DDX60: variants seen among roughly 807,000 people sequenced by gnomAD.
The protein encoded by DDX60 is probable ATP-dependent RNA helicase DDX60.
In DDX60, 165 loss-of-function variants were observed where a neutral mutation model predicts 212.8. That is an observed-to-expected ratio of 0.78 (90% confidence interval 0.68 to 0.88). The LOEUF (loss-of-function observed/expected upper bound fraction) is 0.88. Among genes scored for constraint, DDX60 ranks in the 40% least tolerant of loss-of-function variants. The pLI is 0.00. For missense variants in DDX60, 1,905 were observed against 2,003.9 expected (o/e 0.95, Z 0.94); for synonymous variants, 703 against 685.3 (o/e 1.03, Z -0.40).
intron 33 of DDX60, among the ~76,000 whole-genome samples, chr4:168,234,680 T>A (rs2149495176): frequency 6.6e-6 from 1 of 152,218 alleles, no homozygotes; most frequent in African/African-American, 2.4e-5. Flanking sequence ...CCTCTTTTCT[T>A]CCTGCTTATT....
chr4:168,257,798 G>A (rs1238689662), intron 25 of DDX60, among the ~76,000 whole-genome samples: 1 of 152,186 alleles, frequency 6.6e-6, no homozygotes, highest in African/African-American at 2.4e-5. Flanking sequence ...AAGATGCACA[G>A]CTATGGCAAG....
intron 30 of DDX60, among the ~76,000 whole-genome samples, chr4:168,243,898 T>C (rs1198174328): frequency 6.6e-6 from 1 of 150,672 alleles, no homozygotes; most frequent in Non-Finnish European, 1.5e-5. Flanking sequence ...GTGTGGTACA[T>C]ATACACCATG....
chr4:168,292,763 A>G (rs1736166426), intron 7 of DDX60, among the ~76,000 whole-genome samples: 1 of 152,242 alleles, frequency 6.6e-6, no homozygotes, highest in Non-Finnish European at 1.5e-5. Flanking sequence ...AGGGCTATCA[A>G]CAAAGCAAGT....
upstream of DDX60, among the ~76,000 whole-genome samples, chr4:168,319,212 A>T (rs1284486337): frequency 2.6e-5 from 4 of 151,536 alleles, no homozygotes; most frequent in East Asian, 3.9e-4. Flanking sequence ...AAATGAAACT[A>T]AAAAAAACCT....
chr4:168,310,678 A>T (rs927580730), intron 3 of DDX60, among the ~76,000 whole-genome samples: 2 of 152,178 alleles, frequency 1.3e-5, no homozygotes, highest in African/African-American at 4.8e-5. Context: ...TGGAGGAGTA[A>T]AAAGTTAAAC....
chr4:168,246,715 A>G, intron 29 of DDX60, 97 bp from the exon 30 acceptor site: 1 of 1,258,086 alleles, frequency 7.9e-7, no homozygotes, highest in Non-Finnish European at 1.1e-6. Flanking sequence ...GAGCATGGAA[A>G]TTGTGCATAT....
intron 26 of DDX60, 138 bp from the exon 27 acceptor site, chr4:168,252,794 ATTATTTTATT>A (rs139092828): frequency 1.3e-5 from 7 of 529,328 alleles, no homozygotes; most frequent in East Asian, 6.7e-5. Flanking sequence ...GTGCATCTTT[ATTATTTTATT>A]TTATTTTATT....
chr4:168,319,819 A>G (rs1286259601), upstream of DDX60, among the ~76,000 whole-genome samples: 1 of 152,214 alleles, frequency 6.6e-6, no homozygotes, highest in Non-Finnish European at 1.5e-5. Flanking sequence ...GAAAGGAAAG[A>G]GCCAAGGTCC....
At chr4:168,292,049 C>CTTCCCTT in intron 7 of DDX60, 143 bp from the exon 8 acceptor site, 1 of 302,362 alleles carries the variant, frequency 3.3e-6, no homozygotes, top group Non-Finnish European at 5.6e-6. Flanking sequence ...TTCTTTCTTT[C>CTTCCCTT]TTTTTTTTTT....
chr4:168,304,164 G>A (rs1041045232), intron 5 of DDX60, among the ~76,000 whole-genome samples: 3 of 152,050 alleles, frequency 2.0e-5, no homozygotes, highest in Admixed American at 6.6e-5. Flanking sequence ...AGCCTCAGGA[G>A]GCCCTTAAGG....
chr4:168,263,134 C>A (rs1321439638), intron 22 of DDX60, among the ~76,000 whole-genome samples: 5 of 152,164 alleles, frequency 3.3e-5, no homozygotes, highest in Non-Finnish European at 7.4e-5. Flanking sequence ...ACAGCTAACA[C>A]CAAAACTGAT....
At chr4:168,244,209 A>G (rs1733945820) in intron 30 of DDX60, among the ~76,000 whole-genome samples, 2 of 152,188 alleles carry the variant, frequency 1.3e-5, no homozygotes, top group South Asian at 4.1e-4. Context: ...ACATGTTTAC[A>G]TAACAAACCT....
intron 19 of DDX60, among the ~76,000 whole-genome samples, chr4:168,270,736 C>T (rs1735053672): frequency 6.6e-6 from 1 of 152,134 alleles, no homozygotes; most frequent in Admixed American, 6.5e-5. Flanking sequence ...TCCAAGTTTA[C>T]AGCAAGGAAA....
intron 22 of DDX60, among the ~76,000 whole-genome samples, chr4:168,265,082 C>T (rs374240242): frequency 1.3e-5 from 2 of 152,092 alleles, no homozygotes; most frequent in African/African-American, 4.8e-5. Context: ...AGCAGCTGTT[C>T]CTGTGTGGCA....
chr4:168,261,003 T>G lies in DDX60; in HGVS notation c.3274-14A>C. On this transcript the variant is annotated splice_polypyrimidine_tract_variant and intron_variant, in intron 24 of 37. Transcript: ENST00000393743. The stretch of plus-strand genomic sequence containing the variant: ...TACCATTCTGGCCTGTAGTGGTGAA[T>G]ACAAAACAATTTTAAGTTCTGCATG... 6.3e-7 allele frequency: 1 copy of G among 1,585,138 alleles called. No homozygotes were observed. The highest frequency in any genetic ancestry group is 8.5e-7 in the Non-Finnish European group (1 of 1,172,610).
In DDX60 at chr4:168,267,670, TTA is replaced by T; in HGVS notation, c.2949_2950del (p.Tyr983Ter). 6.2e-7 allele frequency: 1 copy of T among 1,600,646 alleles called. No homozygotes were observed. The highest frequency in any genetic ancestry group is 1.3e-5 in the African/African-American group (1 of 74,572). Reference sequence around the variant, plus strand: ...TGAACATACATGCTTCTCTAGATCATTATACCTCTCTCCATAGAGCACTAAAA... The same window carrying T: ...TGAACATACATGCTTCTCTAGATCATTACCTCTCTCCATAGAGCACTAAAA... On this transcript the variant is annotated stop_gained and frameshift_variant, in exon 22 of 38. Coordinates refer to ENST00000393743, the MANE Select transcript of DDX60 (RefSeq NM_017631.6). LOFTEE classifies it high-confidence loss of function.
chr4:168,247,364 T>TA (rs1734057663), intron 29 of DDX60, among the ~76,000 whole-genome samples: 1 of 151,992 alleles, frequency 6.6e-6, no homozygotes, highest in South Asian at 2.1e-4. Flanking sequence ...TGATTCAGAG[T>TA]ATGGCAGCAG....
chr4:168,324,676 G>A, the DDX60 span, among the ~76,000 whole-genome samples: 10 of 152,276 alleles, frequency 6.6e-5, no homozygotes, highest in Admixed American at 1.3e-4. Context: ...TCCTCAGTTC[G>A]CCAAATAATT....
intron 29 of DDX60, among the ~76,000 whole-genome samples, chr4:168,247,886 T>A (rs188029376): frequency 6.6e-6 from 1 of 152,308 alleles, no homozygotes; most frequent in East Asian, 1.9e-4. Flanking sequence ...TCCATACAAA[T>A]CACTTATTTA....
Sources: allele counts gnomAD v4.1 joint callset (sites outside exome capture counted in the v4.1 genomes callset), GRCh38; gene constraint gnomAD v4.1.1; transcripts MANE v1.5; gene names NCBI Gene and HGNC (gene_info 2026-07-23, HGNC 2026-07-21).